The following SHISA9 variants were observed in gnomAD, a reference collection of about 807,000 sequenced individuals.
SHISA9 encodes protein shisa-9.
In SHISA9, 13 loss-of-function variants were observed where a neutral mutation model predicts 38.0. The observed-to-expected ratio is 0.34, with a 90% CI of 0.22 to 0.54. The LOEUF (loss-of-function observed/expected upper bound fraction) is 0.54, where lower values mean the gene tolerates loss of function less well. Ranked by LOEUF, SHISA9 falls within the 20% of genes least tolerant of loss-of-function variation. The pLI is 0.91. For missense variants in SHISA9, 538 were observed against 575.8 expected, an observed-to-expected ratio of 0.93 and a Z score of 0.67; for synonymous variants, 275 against 242.0, an observed-to-expected ratio of 1.14 and a Z score of -1.27.
intron 2 of SHISA9, among the ~76,000 whole-genome samples, chr16:13,069,758 G>A (rs1243508144): frequency 6.6e-6 from 1 of 152,050 alleles, no homozygotes; most frequent in African/African-American, 2.4e-5. Flanking sequence ...AGGATGTGGG[G>A]CCTTTGGGAA....
the SHISA9 span, among the ~76,000 whole-genome samples, chr16:13,497,139 T>C: frequency 2.0e-5 from 3 of 152,230 alleles, no homozygotes; most frequent in African/African-American, 2.4e-5. Context: ...TATTCATCTT[T>C]TTTTAAATTT....
the SHISA9 span, among the ~76,000 whole-genome samples, chr16:13,507,305 G>T: frequency 6.6e-6 from 1 of 152,132 alleles, no homozygotes; most frequent in Non-Finnish European, 1.5e-5. Context: ...AACAGAGTCA[G>T]GGTATTAGTA....
At chr16:13,406,380 G>C in the SHISA9 span, among the ~76,000 whole-genome samples, 1 of 152,228 alleles carries the variant, frequency 6.6e-6, no homozygotes, top group Non-Finnish European at 1.5e-5. Flanking sequence ...TCTGAACCCA[G>C]GTTCATGTTA....
intron 2 of SHISA9, among the ~76,000 whole-genome samples, chr16:13,016,182 G>A (rs946631972): frequency 3.3e-5 from 5 of 151,392 alleles, no homozygotes; most frequent in Non-Finnish European, 7.4e-5. Flanking sequence ...GTTTCACCAT[G>A]TTGGCCAGGC....
At chr16:13,115,111 C>T (rs896533043) in intron 2 of SHISA9, among the ~76,000 whole-genome samples, 4 of 152,034 alleles carry the variant, frequency 2.6e-5, no homozygotes, top group Non-Finnish European at 5.9e-5. Context: ...TATATATGTC[C>T]TATTTCATAT....
chr16:13,212,546 G>T (rs939336203), intron 3 of SHISA9, among the ~76,000 whole-genome samples: 1 of 152,148 alleles, frequency 6.6e-6, no homozygotes, highest in African/African-American at 2.4e-5. Context: ...GCACACACCT[G>T]TTCTGTAAAG....
At chr16:12,923,193 C>G (rs1036680425) in intron 2 of SHISA9, among the ~76,000 whole-genome samples, 3 of 152,228 alleles carry the variant, frequency 2.0e-5, no homozygotes, top group Admixed American at 2.0e-4. Flanking sequence ...AACTAATCTA[C>G]CATGATGACT....
At chr16:13,048,372 CTG>C (rs2073210985) in intron 2 of SHISA9, among the ~76,000 whole-genome samples, 1 of 152,190 alleles carries the variant, frequency 6.6e-6, no homozygotes, top group African/African-American at 2.4e-5. Context: ...CATCTCTTGA[CTG>C]TGCAATTTCT....
At chr16:13,429,481 G>A in the SHISA9 span, among the ~76,000 whole-genome samples, 165 of 152,140 alleles carry the variant, frequency 1.1e-3, no homozygotes, top group Middle Eastern at 6.8e-3. Context: ...TCTTCACATC[G>A]TCTTCCTTCT....
chr16:13,532,637 C>T, the SHISA9 span, among the ~76,000 whole-genome samples: 1 of 151,906 alleles, frequency 6.6e-6, no homozygotes, highest in Non-Finnish European at 1.5e-5. Context: ...GTTTTTACCT[C>T]ATGTGCCAAA....
chr16:13,408,725 T>C, the SHISA9 span, among the ~76,000 whole-genome samples: 2 of 152,224 alleles, frequency 1.3e-5, no homozygotes, highest in African/African-American at 4.8e-5. Flanking sequence ...ATTTCAAACC[T>C]GTTTTCTCCT....
Position 12,915,973 on chromosome 16 carries a change from G to A in SHISA9, c.564-715G>A, listed in dbSNP as rs142451648. Among the ~76,000 whole-genome samples the A allele has an allele frequency of 3.8e-3, 564 of 146,650 alleles. 5 individuals are homozygous for A. The highest frequency in any genetic ancestry group is 0.013 in the African/African-American group (530 of 39,578). ...TTGACAGCTCTCTGGTCTGTTCTAC[G>A]TATGAACACTGAGTTTTTTTTTTGT... On this transcript the variant is annotated intron_variant, in intron 1 of 4. Transcript: ENST00000558583.
chr16:13,561,239 T>C, the SHISA9 span, among the ~76,000 whole-genome samples: 1 of 152,188 alleles, frequency 6.6e-6, no homozygotes, highest in African/African-American at 2.4e-5. Flanking sequence ...TGGCAGTTAT[T>C]AGTCCCAGAA....
intron 2 of SHISA9, among the ~76,000 whole-genome samples, chr16:13,012,940 G>T (rs1231140816): frequency 6.6e-6 from 1 of 152,160 alleles, no homozygotes; most frequent in Non-Finnish European, 1.5e-5. Context: ...CCAGGCAGGG[G>T]GACAATCTAA....
chr16:13,208,433 C>CTTTTTTTTTTTT (rs148636082), intron 3 of SHISA9, among the ~76,000 whole-genome samples: 6 of 119,858 alleles, frequency 5.0e-5, no homozygotes, highest in Admixed American at 8.7e-5. Flanking sequence ...CTTTCTTTTT[C>CTTTTTTTTTTTT]TTTTTTTTTC....
chr16:13,284,180 A>G, the SHISA9 span, among the ~76,000 whole-genome samples: 4 of 152,134 alleles, frequency 2.6e-5, no homozygotes, highest in African/African-American at 4.8e-5. Context: ...TCTGCATCAC[A>G]CTGGAGAAAT....
At chr16:13,001,079 C>G (rs1331650979) in intron 2 of SHISA9, among the ~76,000 whole-genome samples, 1 of 152,192 alleles carries the variant, frequency 6.6e-6, no homozygotes, top group Non-Finnish European at 1.5e-5. Flanking sequence ...AGGTACCCAC[C>G]ATGATGCCTG....
the SHISA9 span, among the ~76,000 whole-genome samples, chr16:13,281,569 T>TC: frequency 1.3e-5 from 2 of 150,966 alleles, no homozygotes; most frequent in African/African-American, 4.8e-5. Context: ...CTGTTTTTTT[T>TC]TTTCTTTCTT....
intron 2 of SHISA9, among the ~76,000 whole-genome samples, chr16:13,053,956 C>A (rs1031372774): frequency 6.6e-6 from 1 of 152,192 alleles, no homozygotes; most frequent in Non-Finnish European, 1.5e-5. Context: ...GTATCCTTGA[C>A]GATTCCAGCT....
Sources: allele counts gnomAD v4.1 joint callset (sites outside exome capture counted in the v4.1 genomes callset), GRCh38; gene constraint gnomAD v4.1.1; transcripts MANE v1.5; gene names NCBI Gene and HGNC (gene_info 2026-07-23, HGNC 2026-07-21).